Variants in FOCAD observed in about 807,000 individuals in gnomAD.
FOCAD encodes KIAA1797.
Under a neutral mutation model 225.6 loss-of-function variants are expected in FOCAD, and 198 were observed. The ratio of observed to expected loss-of-function variants is 0.88; its 90% CI spans 0.78 to 0.99. FOCAD has a LOEUF of 0.99. Ranked by LOEUF, FOCAD falls within the 50% of genes least tolerant of loss-of-function variation. The probability of loss-of-function intolerance (pLI) is 0.00; values close to 1 mark genes in which losing one functional copy is unlikely to be tolerated. For missense variants in FOCAD, 2,713 were observed against 2,123.6 expected, an observed-to-expected ratio of 1.28 and a Z score of -5.46; for synonymous variants, 897 against 755.0, an observed-to-expected ratio of 1.19 and a Z score of -3.08.
intron 15 of FOCAD, among the ~76,000 whole-genome samples, chr9:20,827,595 A>G (rs1480004575): frequency 6.6e-6 from 1 of 152,004 alleles, no homozygotes; most frequent in Non-Finnish European, 1.5e-5. Context: ...GACAGTGTAG[A>G]TGAACCTAGA....
chr9:20,943,301 T>G (rs1836852634), intron 28 of FOCAD, among the ~76,000 whole-genome samples: 1 of 152,192 alleles, frequency 6.6e-6, no homozygotes, highest in African/African-American at 2.4e-5. Context: ...GTAGCTTCTT[T>G]ACGAAGGATT....
At chr9:20,846,445 T>C (rs12554885) in intron 15 of FOCAD, among the ~76,000 whole-genome samples, 43,304 of 151,980 alleles carry the variant, frequency 0.28, 6,495 homozygotes, top group Middle Eastern at 0.35. Context: ...CCAAACTGTT[T>C]TAGCAGCCAA....
chr9:20,700,116 A>G (rs1823818853), intron 1 of FOCAD, among the ~76,000 whole-genome samples: 1 of 152,022 alleles, frequency 6.6e-6, no homozygotes, highest in Non-Finnish European at 1.5e-5. Flanking sequence ...TGCTAGCTGT[A>G]TAATAGAAGA....
At position 20,789,464 on chromosome 9, in the gene FOCAD, A is replaced by G. The variant is rs202143230; in HGVS notation, c.1311A>G (p.Ser437=). 6.2e-7 allele frequency: 1 copy of G among 1,614,000 alleles called. No individual in the cohort carries two copies. Among genetic ancestry groups the G allele is most frequent in the Non-Finnish European group, 8.5e-7 (1 of 1,179,966 alleles). Residue 437 remains serine, a synonymous_variant, in exon 11 of 44, where the codon TCA becomes TCG. Coordinates refer to ENST00000338382, the MANE Select transcript of FOCAD (RefSeq NM_001375567.1). ...CTGCTGCAAGTGACTGGTTGGCTTCAGTAGAGTCATTGCTTCCTATTACTG... is the reference window on the plus strand; with the variant it reads ...CTGCTGCAAGTGACTGGTTGGCTTCGGTAGAGTCATTGCTTCCTATTACTG... ...DSSAASDWLA[S]VESLLPITAV...
intron 11 of FOCAD, among the ~76,000 whole-genome samples, chr9:20,810,314 T>C (rs1822921791): frequency 6.6e-6 from 1 of 152,160 alleles, no homozygotes; most frequent in South Asian, 2.1e-4. Context: ...GAGCTATATT[T>C]AATAATATCT....
At chr9:20,675,880 T>C (rs1822217211) in intron 2 of FOCAD, among the ~76,000 whole-genome samples, 1 of 152,202 alleles carries the variant, frequency 6.6e-6, no homozygotes, top group South Asian at 2.1e-4. Flanking sequence ...GTATTACCAA[T>C]AGTGCTCAGT....
At chr9:20,909,830 C>A (rs1245871821) in intron 22 of FOCAD, among the ~76,000 whole-genome samples, 1 of 152,038 alleles carries the variant, frequency 6.6e-6, no homozygotes, top group Non-Finnish European at 1.5e-5. Flanking sequence ...CTGCCAGACT[C>A]CTTGTCTATA....
intron 11 of FOCAD, among the ~76,000 whole-genome samples, chr9:20,791,215 G>A (rs919491468): frequency 2.4e-5 from 3 of 123,330 alleles, no homozygotes; most frequent in Admixed American, 9.7e-5. Flanking sequence ...ATATATATAT[G>A]CATGCACACA....
rs978382204 is a variant in FOCAD at position 20,753,706 on chromosome 9, A to G, written c.393-4384A>G. 3.3e-5 allele frequency among the ~76,000 whole-genome samples: 5 copies of G among 152,024 alleles called. No homozygotes were observed. In the South Asian group the frequency reaches 8.3e-4, roughly 25 times the overall value. ...AGTTAGGGAGGATTCCCTCTTTTCC[A>G]CTTCTATTTTCTTCTGAGATATGGA... On this transcript the variant is annotated intron_variant, in intron 5 of 43. Coordinates refer to ENST00000338382, the MANE Select transcript of FOCAD (RefSeq NM_001375567.1).
At chr9:20,708,931 A>G (rs1410514517) in intron 1 of FOCAD, among the ~76,000 whole-genome samples, 1 of 152,112 alleles carries the variant, frequency 6.6e-6, no homozygotes, top group Non-Finnish European at 1.5e-5. Context: ...ACTACCTTGT[A>G]TATCAGTTAT....
In FOCAD at chr9:20,732,521, A is replaced by T. The variant is rs1034466641; in HGVS notation, c.288-7715A>T. ...GAAGCTGGAAAGGTAGGTGGGATTC[A>T]GACAGTGCAGCGCATGATTGACAAT... On this transcript the variant is annotated intron_variant, in intron 4 of 43. Transcript: ENST00000338382. 2.0e-5 allele frequency among the ~76,000 whole-genome samples: 3 copies of T among 152,214 alleles called. No homozygotes were observed. The South Asian group carries it at 6.2e-4, about 32-fold the overall frequency.
At chr9:20,804,846 A>G (rs1032807005) in intron 11 of FOCAD, among the ~76,000 whole-genome samples, 2 of 150,842 alleles carry the variant, frequency 1.3e-5, no homozygotes, top group African/African-American at 4.8e-5. Flanking sequence ...TGCATGTAGG[A>G]AAAAAAAATC....
intron 35 of FOCAD, among the ~76,000 whole-genome samples, chr9:20,963,817 A>G (rs1587732070): frequency 1.3e-5 from 2 of 152,192 alleles, no homozygotes; most frequent in South Asian, 2.1e-4. Context: ...AGTTATGTGA[A>G]TAGACAACCA....
intron 11 of FOCAD, among the ~76,000 whole-genome samples, chr9:20,815,586 C>T (rs1823647039): frequency 6.8e-6 from 1 of 147,318 alleles, no homozygotes; most frequent in African/African-American, 2.5e-5. Flanking sequence ...AAGATTTCTG[C>T]TGAGAAATCT....
Position 20,953,082 on chromosome 9 carries a change from C to G in FOCAD, c.4132+17C>G. 1 of 1,598,062 alleles carries G rather than the reference C, an allele frequency of 6.3e-7. No homozygotes were observed. The highest frequency in any genetic ancestry group is 1.7e-5 in the Admixed American group (1 of 59,352). On this transcript the variant is annotated intron_variant, in intron 35 of 43. Transcript: ENST00000338382. The stretch of plus-strand genomic sequence containing the variant: ...GAAAAAAAGGCAAGTGAGCACATTT[C>G]TTGAATTTTATCATTCTATCTCCAT...
intron 33 of FOCAD, 90 bp from the exon 34 acceptor site, chr9:20,950,906 T>C (rs943416283): frequency 2.7e-6 from 3 of 1,127,784 alleles, no homozygotes; most frequent in East Asian, 4.7e-5. Context: ...CACCACCTCC[T>C]AAATGACTGG....
At chr9:20,916,783 T>G in intron 23 of FOCAD, 110 bp from the exon 24 acceptor site, 4 of 956,852 alleles carry the variant, frequency 4.2e-6, no homozygotes, top group Non-Finnish European at 6.3e-6. Flanking sequence ...ACCTGTATAG[T>G]TTTAAGATCT....
intron 10 of FOCAD, among the ~76,000 whole-genome samples, chr9:20,786,451 G>C (rs1819930996): frequency 6.6e-6 from 1 of 152,120 alleles, no homozygotes; most frequent in Admixed American, 6.5e-5. Flanking sequence ...TAGTGATATA[G>C]TGCTAGAAAG....
rs1818065079 is a variant in FOCAD at position 20,770,255 on chromosome 9, A to G, written c.906+17A>G. The G allele has an allele frequency of 1.1e-5, 18 of 1,600,412 alleles. No homozygotes were observed. The East Asian group carries it at 4.0e-4, about 36-fold the overall frequency. On this transcript the variant is annotated intron_variant, in intron 8 of 43. Coordinates refer to ENST00000338382, the MANE Select transcript of FOCAD (RefSeq NM_001375567.1). ...CTGAAGGAGGTAAGGATAGTAGTAT[A>G]TTATACTGTTCATGCATTGCTATTA...
Sources: allele counts gnomAD v4.1 joint callset (sites outside exome capture counted in the v4.1 genomes callset), GRCh38; gene constraint gnomAD v4.1.1; transcripts MANE v1.5; gene names NCBI Gene and HGNC (gene_info 2026-07-23, HGNC 2026-07-21).